The following CTNNA3 variants were observed in gnomAD, a reference collection of about 807,000 sequenced individuals.
The protein encoded by CTNNA3 is catenin alpha-3.
CTNNA3 carries 76 observed loss-of-function variants against 95.7 expected under a neutral mutation model. That is an observed-to-expected ratio of 0.79 (90% CI 0.66 to 0.96). CTNNA3 has a LOEUF of 0.96. CTNNA3 is among the 40% of genes least tolerant of loss of function. CTNNA3 has a pLI of 0.00. For synonymous variants in CTNNA3, 431 were observed against 374.4 expected (o/e 1.15, Z -1.74); for missense variants, 1,191 against 1,089.8 (o/e 1.09, Z -1.31).
In CTNNA3 at chr10:66,443,876, G is replaced by A. The variant is rs533543648; in HGVS notation, c.1532-64524C>T. 4.1e-4 allele frequency among the ~76,000 whole-genome samples: 62 copies of A among 152,232 alleles called. 1 individual carries two copies. Among genetic ancestry groups the A allele is most frequent in the South Asian group, 2.9e-3 (14 of 4,826 alleles). On this transcript the variant is annotated intron_variant, in intron 11 of 17. Coordinates refer to ENST00000433211, the MANE Select transcript of CTNNA3 (RefSeq NM_013266.4). ...AGGCTTCAGACGATCAAACTACTCC[G>A]AGCTACAGGAGGAAATTCAAACCAA...
chr10:67,086,268 T>C (rs1857302880), intron 7 of CTNNA3, among the ~76,000 whole-genome samples: 1 of 152,042 alleles, frequency 6.6e-6, no homozygotes, highest in Non-Finnish European at 1.5e-5. Context: ...TTAAAAAATG[T>C]TACTTGAACT....
chr10:66,438,795 G>A (rs1391683986), intron 11 of CTNNA3, among the ~76,000 whole-genome samples: 4 of 152,140 alleles, frequency 2.6e-5, no homozygotes, highest in South Asian at 2.1e-4. Flanking sequence ...GCCCAGTTTC[G>A]TGCTTGAAAT....
At chr10:66,048,093 A>T (rs979175599) in intron 15 of CTNNA3, among the ~76,000 whole-genome samples, 1 of 152,176 alleles carries the variant, frequency 6.6e-6, no homozygotes, top group Non-Finnish European at 1.5e-5. Context: ...TAAACTACCA[A>T]GCACATTCTT....
At chr10:66,706,607 C>G (rs1848126120) in intron 9 of CTNNA3, among the ~76,000 whole-genome samples, 2 of 151,966 alleles carry the variant, frequency 1.3e-5, no homozygotes, top group South Asian at 4.1e-4. Context: ...GTTGTTTAAA[C>G]TGATGGAAAC....
intron 15 of CTNNA3, among the ~76,000 whole-genome samples, chr10:65,989,223 G>T (rs1278715112): frequency 6.6e-6 from 1 of 152,208 alleles, no homozygotes; most frequent in Non-Finnish European, 1.5e-5. Context: ...ACAGGCGTGA[G>T]CCGCCGTGCC....
intron 3 of CTNNA3, among the ~76,000 whole-genome samples, chr10:67,562,130 C>T (rs1398323059): frequency 1.3e-5 from 2 of 152,196 alleles, no homozygotes; most frequent in Non-Finnish European, 1.5e-5. Context: ...TCCTCCCTAA[C>T]TCATTTTATG....
chr10:65,917,977 C>T lies in CTNNA3; in HGVS notation c.*2353G>A, dbSNP rs1327707524. The T allele has an allele frequency of 6.6e-6, 1 of 152,118 alleles. No homozygotes were observed. Among genetic ancestry groups the T allele is most frequent in the Non-Finnish European group, 1.5e-5 (1 of 68,014 alleles). 9.4% of individuals were successfully genotyped at this position (152,118 alleles called of 1,614,324 possible). On this transcript the variant is annotated 3_prime_UTR_variant, in exon 18 of 18. Coordinates refer to ENST00000433211, the MANE Select transcript of CTNNA3 (RefSeq NM_013266.4). ...CTCTATGCATCTTGTTTTTATGTCA[C>T]TATCGATTACCACAGCAGATTAACT...
intron 13 of CTNNA3, among the ~76,000 whole-genome samples, chr10:66,165,880 G>C (rs2131818218): frequency 6.6e-6 from 1 of 151,942 alleles, no homozygotes; most frequent in South Asian, 2.1e-4. Flanking sequence ...GCAATTCTCT[G>C]CCTCAGCCTC....
intron 2 of CTNNA3, among the ~76,000 whole-genome samples, chr10:67,634,501 T>C (rs1839242628): frequency 3.3e-5 from 5 of 152,306 alleles, no homozygotes; most frequent in African/African-American, 1.2e-4. Flanking sequence ...GTAAATGGGC[T>C]AAATGTTCCA....
At chr10:67,121,831 A>G (rs1294689203) in intron 7 of CTNNA3, among the ~76,000 whole-genome samples, 3 of 151,996 alleles carry the variant, frequency 2.0e-5, no homozygotes, top group Non-Finnish European at 4.4e-5. Context: ...TGATCTCCAG[A>G]GAACTGTTGC....
chr10:67,647,346 T>C, intron 2 of CTNNA3, 69 bp downstream of exon 2: 2 of 1,116,210 alleles, frequency 1.8e-6, no homozygotes, highest in Non-Finnish European at 2.6e-6. Context: ...TTCTTCATTA[T>C]TCATTTTTCC....
chr10:66,272,643 G>A (rs542688550), intron 13 of CTNNA3, among the ~76,000 whole-genome samples: 13 of 105,484 alleles, frequency 1.2e-4, no homozygotes, highest in Admixed American at 9.7e-4. Flanking sequence ...TCCAAATTGG[G>A]CACTTAAAAG....
intron 13 of CTNNA3, among the ~76,000 whole-genome samples, chr10:66,179,123 T>C (rs533687799): frequency 6.6e-6 from 1 of 152,136 alleles, no homozygotes; most frequent in South Asian, 2.1e-4. Context: ...AATAGCTTAA[T>C]TCATAATAGC....
At chr10:67,331,167 T>C (rs915787393) in intron 5 of CTNNA3, among the ~76,000 whole-genome samples, 1 of 152,182 alleles carries the variant, frequency 6.6e-6, no homozygotes, top group African/African-American at 2.4e-5. Context: ...TGGAGTAGTG[T>C]TGCTGGGATA....
In CTNNA3 at chr10:66,076,674, G is replaced by A. The variant is rs190366648; in HGVS notation, c.1978-7185C>T. Among the ~76,000 whole-genome samples the A allele has an allele frequency of 4.4e-3, 662 of 151,732 alleles. 4 individuals are homozygous for A. The highest frequency in any genetic ancestry group is 0.013 in the East Asian group (70 of 5,186). Reference sequence around the variant, plus strand: ...CTTTATAGGCTTCAGGGACTGGGTCGAAACAGAGTAAATTATCAGGTATAT... The same window carrying A: ...CTTTATAGGCTTCAGGGACTGGGTCAAAACAGAGTAAATTATCAGGTATAT... On this transcript the variant is annotated intron_variant, in intron 14 of 17. Coordinates refer to ENST00000433211, the MANE Select transcript of CTNNA3 (RefSeq NM_013266.4).
intron 7 of CTNNA3, among the ~76,000 whole-genome samples, chr10:67,115,045 C>T (rs944134105): frequency 6.6e-6 from 1 of 151,988 alleles, no homozygotes; most frequent in African/African-American, 2.4e-5. Flanking sequence ...TCAGAACTTC[C>T]ACAGTTCTTT....
intron 17 of CTNNA3, among the ~76,000 whole-genome samples, chr10:65,948,640 A>C (rs2077561957): frequency 6.6e-6 from 1 of 152,162 alleles, no homozygotes; most frequent in African/African-American, 2.4e-5. Context: ...ACTAAGTTGA[A>C]ATTTAATGTA....
At chr10:66,814,337 GAAAGAATGAAA>G (rs1841998752) in intron 7 of CTNNA3, among the ~76,000 whole-genome samples, 1 of 151,506 alleles carries the variant, frequency 6.6e-6, no homozygotes, top group Non-Finnish European at 1.5e-5. Context: ...GACTGAGAAT[GAAAGAATGAAA>G]AGTTAATAAG....
At chr10:65,921,610 T>A (rs976126157) in intron 17 of CTNNA3, among the ~76,000 whole-genome samples, 1 of 152,204 alleles carries the variant, frequency 6.6e-6, no homozygotes, top group African/African-American at 2.4e-5. Flanking sequence ...CTTCCACTGG[T>A]GTGGATCTCA....
Sources: allele counts gnomAD v4.1 joint callset (sites outside exome capture counted in the v4.1 genomes callset), GRCh38; gene constraint gnomAD v4.1.1; transcripts MANE v1.5; gene names NCBI Gene and HGNC (gene_info 2026-07-23, HGNC 2026-07-21).